The following C1orf167 variants were observed in gnomAD, a reference collection of about 807,000 sequenced individuals.
C1orf167 encodes the protein chromosome 1 open reading frame 167, also known as uncharacterized protein C1orf167.
Under a neutral mutation model 176.5 loss-of-function variants are expected in C1orf167, and 153 were observed. The observed-to-expected ratio is 0.87, with a 90% confidence interval of 0.76 to 0.99. The LOEUF is 0.99. C1orf167 is among the 50% of genes least tolerant of loss of function. The pLI, the probability that C1orf167 is intolerant of heterozygous loss-of-function variation, is 0.00. For synonymous variants in C1orf167, 594 were observed against 752.7 expected (o/e 0.79, Z 3.45); for missense variants, 1,490 against 1,817.7 (o/e 0.82, Z 3.28).
In C1orf167 at chr1:11,771,069, A is replaced by ATT. The variant is rs147195468; in HGVS notation, c.1698-429_1698-428dup. ...TGTGTGTATATATATATATATATAT[A>ATT]TTTTTTTTTTTTTTTTTTTTTTTTT... On this transcript the variant is annotated intron_variant, in intron 6 of 20. Transcript: ENST00000688073. Among the ~76,000 whole-genome samples, 62 of 47,230 alleles carry ATT rather than the reference A, an allele frequency of 1.3e-3. 2 individuals are homozygous for ATT. The highest frequency in any genetic ancestry group is 3.8e-3 in the African/African-American group (39 of 10,188). 31.0% of individuals were successfully genotyped at this position (47,230 alleles called of 152,430 possible).
chr1:11,781,902 T>A (rs1393780643), intron 13 of C1orf167, among the ~76,000 whole-genome samples: 9 of 140,550 alleles, frequency 6.4e-5, no homozygotes, highest in African/African-American at 2.4e-4. Flanking sequence ...GGAGTAAGAC[T>A]CCGTCTCAAA....
Position 11,766,434 on chromosome 1 carries a change from C to T in C1orf167, c.648C>T (p.Leu216=). 5 of 1,284,892 alleles carry T rather than the reference C, an allele frequency of 3.9e-6. No individual in the cohort carries two copies. Among genetic ancestry groups the T allele is most frequent in the Non-Finnish European group, 5.1e-6 (5 of 986,506 alleles). The allele number at this position is 1,284,892 out of a possible 1,614,324, so 79.6% of individuals were successfully genotyped here. ...SWRSRLVGEP[L]TLEDLAVPSQ... ...GGTCCAGGCTGGTGGGGGAACCTCT[C>T]ACCCTGGAGGACCTGGCTGTCCCCA... Residue 216 remains leucine, a synonymous_variant, in exon 3 of 21, where the codon CTC becomes CTT. Transcript: ENST00000688073. This position sits in a 1 kb window ranked among gnomAD's most constrained non-coding sequence, Gnocchi z 4.5.
chr1:11,785,260 G>A lies in C1orf167; in HGVS notation c.3538G>A (p.Val1180Met), dbSNP rs1356103611. The change falls in exon 16 of 21, where the codon GTG becomes ATG. Residue 1180 changes from valine (V) to methionine (M), a missense_variant. Transcript: ENST00000688073. ...CTTCCTGCGGACAGTGCAGCTCAGGGTGCGGCTGGGACTGCCAGGGGCCGG... is the reference window on the plus strand; with the variant it reads ...CTTCCTGCGGACAGTGCAGCTCAGGATGCGGCTGGGACTGCCAGGGGCCGG... ...RRFLRTVQLR[V>M]RLGLPGAGKT... The A allele has an allele frequency of 1.7e-5, 22 of 1,288,860 alleles. No individual in the cohort carries two copies. Among genetic ancestry groups the A allele is most frequent in the Non-Finnish European group, 1.9e-5 (19 of 987,020 alleles). 79.8% of individuals were successfully genotyped at this position (1,288,860 alleles called of 1,614,324 possible). A position where few individuals can be genotyped will look rare whatever the true frequency, so the allele number is the denominator to read the frequency against.
In C1orf167 at chr1:11,784,392, A is replaced by G; in HGVS notation, c.3224A>G (p.Gln1075Arg). 7.7e-7 allele frequency: 1 copy of G among 1,304,072 alleles called. No individual in the cohort carries two copies. Among genetic ancestry groups the G allele is most frequent in the Non-Finnish European group, 1.0e-6 (1 of 988,884 alleles). The allele number at this position is 1,304,072 out of a possible 1,614,324, so 80.8% of individuals were successfully genotyped here. A position where few individuals can be genotyped will look rare whatever the true frequency, so the allele number is the denominator to read the frequency against. Residue 1075 changes from glutamine (Q) to arginine (R), a missense_variant, in exon 15 of 21, where the codon CAG (glutamine) becomes CGG (arginine). Physicochemically the swap from Gln to Arg is conservative, Grantham distance 43. Coordinates refer to ENST00000688073, the MANE Select transcript of C1orf167 (RefSeq NM_001010881.2). ...GGGCAGCAAGGCCAGGAAGATGGGC[A>G]GCAGAAGAAGGCCCGGGCCCCACAG... The part of the protein sequence containing the change: ...SCGQQGQEDG[Q>R]QKKARAPQAF...
chr1:11,769,783 T>C (rs1043820038), intron 6 of C1orf167, among the ~76,000 whole-genome samples: 2 of 150,164 alleles, frequency 1.3e-5, no homozygotes, highest in South Asian at 2.2e-4. Context: ...GCCATTCTCC[T>C]GCCTCAGCCT....
In C1orf167 at chr1:11,768,045, C is replaced by T. The variant is rs1642882584; in HGVS notation, c.1344-32C>T. ...CTGTCCCTGGGGATAGGAGGGCAGT[C>T]CACACCCTGATCAGCCCTGGTCTGT... is the stretch of plus-strand genomic sequence containing the variant. On this transcript the variant is annotated intron_variant, in intron 4 of 20. Transcript: ENST00000688073. This position sits in a 1 kb window ranked among gnomAD's most constrained non-coding sequence, Gnocchi z 4.5. 5 of 1,253,918 alleles carry T rather than the reference C, an allele frequency of 4.0e-6. No individual in the cohort carries two copies. Among genetic ancestry groups the T allele is most frequent in the Non-Finnish European group, 5.2e-6 (5 of 968,496 alleles). The allele number at this position is 1,253,918 out of a possible 1,614,324, so 77.7% of individuals were successfully genotyped here.
intron 2 of C1orf167, among the ~76,000 whole-genome samples, chr1:11,764,927 G>A (rs1642711306): frequency 6.6e-6 from 1 of 151,940 alleles, no homozygotes. Context: ...GATGGCGGGT[G>A]CCTGTAATCC....
At chr1:11,764,646 G>A (rs1642699196) in intron 2 of C1orf167, among the ~76,000 whole-genome samples, 176 bp downstream of exon 2, 1 of 152,250 alleles carries the variant, frequency 6.6e-6, no homozygotes, top group East Asian at 1.9e-4. Flanking sequence ...GGCCTAAGGA[G>A]GGGGGTCTTG....
At chr1:11,770,984 G>A (rs1462630890) in intron 6 of C1orf167, among the ~76,000 whole-genome samples, 1 of 77,356 alleles carries the variant, frequency 1.3e-5, no homozygotes, top group Non-Finnish European at 2.9e-5. Flanking sequence ...GTGTGTGTGT[G>A]TGTGTGTGTG....
At position 11,783,686 on chromosome 1, in the gene C1orf167, G is replaced by A. The variant is rs190628564; in HGVS notation, c.3006-488G>A. Reference sequence around the variant, plus strand: ...CATACTGCTGGTTCCCATCCCCCTCGCAGGGCAGCCCCTGCCCTCTGAGGC... The same window carrying A: ...CATACTGCTGGTTCCCATCCCCCTCACAGGGCAGCCCCTGCCCTCTGAGGC... On this transcript the variant is annotated intron_variant, in intron 14 of 20. Transcript: ENST00000688073. Among the ~76,000 whole-genome samples the A allele has an allele frequency of 2.8e-4, 43 of 152,222 alleles. 1 individual carries two copies. Among genetic ancestry groups the A allele is most frequent in the East Asian group, 9.7e-4 (5 of 5,170 alleles).
chr1:11,769,674 G>GTTTTTTTTTTT (rs70983593), intron 6 of C1orf167, among the ~76,000 whole-genome samples: 1 of 142,174 alleles, frequency 7.0e-6, no homozygotes, highest in Admixed American at 7.1e-5. Context: ...TGTTTAGGAA[G>GTTTTTTTTTTT]TTTTTTTTTT....
intron 16 of C1orf167, chr1:11,785,757 C>T (rs963830371): frequency 2.6e-5 from 4 of 153,132 alleles, no homozygotes; most frequent in African/African-American, 9.7e-5. Flanking sequence ...ATTTTTGAGA[C>T]AGAGTCTGGC....
chr1:11,762,506 T>C (rs1642559404), intron 1 of C1orf167, among the ~76,000 whole-genome samples: 1 of 151,996 alleles, frequency 6.6e-6, no homozygotes, highest in South Asian at 2.1e-4. Flanking sequence ...CTCCTGTGGA[T>C]TGAGCGGCCT....
chr1:11,771,198 T>C (rs1643061271), intron 6 of C1orf167, among the ~76,000 whole-genome samples: 2 of 148,652 alleles, frequency 1.3e-5, no homozygotes, highest in African/African-American at 5.0e-5. Context: ...GGATTACAGG[T>C]GTGAGCCACC....
In C1orf167 at chr1:11,768,077, C is replaced by G; in HGVS notation, c.1344C>G (p.Cys448Trp). The change falls in exon 5 of 21, where the codon TGC becomes TGG. Residue 448 changes from cysteine to tryptophan, a missense_variant and splice_region_variant. Cys to Trp is a radical substitution (Grantham distance 215). Transcript: ENST00000688073. This position sits in a 1 kb window ranked among gnomAD's most constrained non-coding sequence, Gnocchi z 4.5. ...NITAPESEAICWQLLSRCFRS... is the reference protein window; with the variant it reads ...NITAPESEAIWWQLLSRCFRS... Reference sequence around the variant, plus strand: ...CTGATCAGCCCTGGTCTGTCCCCAGCTGGCAGCTGTTGTCCAGATGTTTTC... The same window carrying G: ...CTGATCAGCCCTGGTCTGTCCCCAGGTGGCAGCTGTTGTCCAGATGTTTTC... 7.8e-7 allele frequency: 1 copy of G among 1,284,298 alleles called. No homozygotes were observed. The highest frequency in any genetic ancestry group is 1.0e-6 in the Non-Finnish European group (1 of 985,870). 79.6% of individuals were successfully genotyped at this position (1,284,298 alleles called of 1,614,324 possible). A position where few individuals can be genotyped will look rare whatever the true frequency, so the allele number is the denominator to read the frequency against.
Position 11,769,099 on chromosome 1 carries a change from G to A in C1orf167, c.1669G>A (p.Ala557Thr), listed in dbSNP as rs922631823. 3.2e-5 allele frequency: 32 copies of A among 985,792 alleles called. No individual in the cohort carries two copies. The highest frequency in any genetic ancestry group is 1.1e-4 in the East Asian group (1 of 8,814). 61.1% of individuals were successfully genotyped at this position (985,792 alleles called of 1,614,324 possible). A position where few individuals can be genotyped will look rare whatever the true frequency, so the allele number is the denominator to read the frequency against. Residue 557 changes from alanine to threonine, a missense_variant, in exon 6 of 21, where the codon GCC becomes ACC. Physicochemically the swap from Ala to Thr is moderately conservative, Grantham distance 58. Coordinates refer to ENST00000688073, the MANE Select transcript of C1orf167 (RefSeq NM_001010881.2). ...SLGRSTVVDPAQRSRLEHTSP... is the reference protein window; with the variant it reads ...SLGRSTVVDPTQRSRLEHTSP... Reference sequence around the variant, plus strand: ...GGGAAGAAGCACAGTGGTGGACCCCGCCCAGAGAAGCAGGCTGGAACACAC... The same window carrying A: ...GGGAAGAAGCACAGTGGTGGACCCCACCCAGAGAAGCAGGCTGGAACACAC...
rs866124372 is a variant in C1orf167 at position 11,771,069 on chromosome 1, A to T, written c.1698-455A>T. ...TGTGTGTATATATATATATATATAT[A>T]TTTTTTTTTTTTTTTTTTTTTTTTT... On this transcript the variant is annotated intron_variant, in intron 6 of 20. Coordinates refer to ENST00000688073, the MANE Select transcript of C1orf167 (RefSeq NM_001010881.2). Among the ~76,000 whole-genome samples the T allele has an allele frequency of 3.3e-3, 154 of 47,220 alleles. 1 individual carries two copies. Among genetic ancestry groups the T allele is most frequent in the African/African-American group, 5.0e-3 (51 of 10,182 alleles). 31.0% of individuals were successfully genotyped at this position (47,220 alleles called of 152,430 possible).
rs746048298 is a variant in C1orf167, at chr1:11,789,399, C to A, written c.4303C>A (p.Arg1435=). ...ESGQEAARAP[R]GWGLGAEHGA... ...TGGACAGGAAGCCGCCAGAGCACCG[C>A]GGGGTTGGGGGCTTGGGGCAGAGCA... Residue 1435 remains arginine, a synonymous_variant, in exon 21 of 21, where the codon CGG becomes AGG. Coordinates refer to ENST00000688073, the MANE Select transcript of C1orf167 (RefSeq NM_001010881.2). 6.9e-6 allele frequency: 9 copies of A among 1,303,298 alleles called. No individual in the cohort carries two copies. In the South Asian group the frequency reaches 9.9e-5, roughly 14 times the overall value. 80.7% of individuals were successfully genotyped at this position (1,303,298 alleles called of 1,614,324 possible). A position where few individuals can be genotyped will look rare whatever the true frequency, so the allele number is the denominator to read the frequency against.
rs1643954484 is a variant in C1orf167 at position 11,788,261 on chromosome 1, C to T, written c.3961C>T (p.Pro1321Ser). 1.5e-6 allele frequency: 2 copies of T among 1,303,908 alleles called. No homozygotes were observed. Among genetic ancestry groups the T allele is most frequent in the Non-Finnish European group, 2.0e-6 (2 of 988,674 alleles). 80.8% of individuals were successfully genotyped at this position (1,303,908 alleles called of 1,614,324 possible). A position where few individuals can be genotyped will look rare whatever the true frequency, so the allele number is the denominator to read the frequency against. The change falls in exon 19 of 21, where the codon CCG (proline) becomes TCG (serine). Residue 1321 changes from proline (P) to serine (S), a missense_variant. Pro to Ser is a moderately conservative substitution (Grantham distance 74, BLOSUM62 -1). Transcript: ENST00000688073. The stretch of plus-strand genomic sequence containing the variant: ...CCATCAGGAGGAAGTACCTGCAGCG[C>T]CGGTGCCTCGAGGCACTGCTTCACG... ...LGHQEEVPAA[P>S]VPRGTASRAA...
Sources: allele counts gnomAD v4.1 joint callset (sites outside exome capture counted in the v4.1 genomes callset), GRCh38; gene constraint gnomAD v4.1.1; non-coding constraint Gnocchi (gnomAD v3.1); transcripts MANE v1.5; gene names NCBI Gene and HGNC (gene_info 2026-07-23, HGNC 2026-07-21).